PANK3: variants seen among roughly 807,000 people sequenced by gnomAD.
PANK3 encodes hPanK3.
PANK3 carries 20 observed loss-of-function variants against 39.4 expected under a neutral mutation model. The observed-to-expected ratio is 0.51, with a 90% CI of 0.36 to 0.74. The LOEUF is 0.74. PANK3 is among the 30% of genes least tolerant of loss of function. PANK3 has a pLI of 0.00. For synonymous variants in PANK3, 140 were observed against 157.3 expected (o/e 0.89, Z 0.82); for missense variants, 265 against 437.0 (o/e 0.61, Z 3.51).
Position 168,555,324 on chromosome 5 carries a change from A to C in PANK3, c.*2247T>G, listed in dbSNP as rs1759331790. Reference sequence around the variant, plus strand: ...CAGTGGCACAATCTCAGCTCACTGCAGCCTCCTCCTCCTGGGTTCAAGCAA... The same window carrying C: ...CAGTGGCACAATCTCAGCTCACTGCCGCCTCCTCCTCCTGGGTTCAAGCAA... On this transcript the variant is annotated 3_prime_UTR_variant, in exon 7 of 7. Coordinates refer to ENST00000239231, the MANE Select transcript of PANK3 (RefSeq NM_024594.4). The C allele has an allele frequency of 6.6e-6, 1 of 152,314 alleles. No homozygotes were observed. Among genetic ancestry groups the C allele is most frequent in the South Asian group, 2.1e-4 (1 of 4,834 alleles). 9.4% of individuals were successfully genotyped at this position (152,314 alleles called of 1,614,324 possible). A position where few individuals can be genotyped will look rare whatever the true frequency, so the allele number is the denominator to read the frequency against.
Position 168,555,516 on chromosome 5 carries a change from T to G in PANK3, c.*2055A>C, listed in dbSNP as rs1343205426. 2.0e-5 allele frequency: 3 copies of G among 152,286 alleles called. No individual in the cohort carries two copies. 9.4% of individuals were successfully genotyped at this position (152,286 alleles called of 1,614,324 possible). On this transcript the variant is annotated 3_prime_UTR_variant, in exon 7 of 7. Coordinates refer to ENST00000239231, the MANE Select transcript of PANK3 (RefSeq NM_024594.4). ...CCCTGGCCTCTCAAAGTGCTGGGAT[T>G]AGAGGCGTGAGCCACTGCGCCTGGC...
chr5:168,550,210 T>C lies in PANK3; in HGVS notation c.*7361A>G, dbSNP rs1304811944. 2.0e-5 allele frequency: 3 copies of C among 152,188 alleles called. No homozygotes were observed. The highest frequency in any genetic ancestry group is 7.2e-5 in the African/African-American group (3 of 41,442). 9.4% of individuals were successfully genotyped at this position (152,188 alleles called of 1,614,324 possible). Reference sequence around the variant, plus strand: ...AGATATTAAACACTTCATTATAAAATAGGTTTTGTATTAGATGATTTTGCC... The same window carrying C: ...AGATATTAAACACTTCATTATAAAACAGGTTTTGTATTAGATGATTTTGCC... On this transcript the variant is annotated 3_prime_UTR_variant, in exon 7 of 7. Transcript: ENST00000239231.
chr5:168,560,748 T>C (rs970017134), intron 5 of PANK3: 2 of 171,952 alleles, frequency 1.2e-5, no homozygotes, highest in African/African-American at 4.8e-5. Flanking sequence ...GGCAAATATA[T>C]CTATTATTAT....
rs144500176 is a variant in PANK3, at chr5:168,555,051, G to C, written c.*2520C>G. On this transcript the variant is annotated 3_prime_UTR_variant, in exon 7 of 7. Coordinates refer to ENST00000239231, the MANE Select transcript of PANK3 (RefSeq NM_024594.4). ...ATAAGAACACAAAATCATAATGAAG[G>C]CTGCCAAAGATTATAATTTTTTATT... The C allele has an allele frequency of 3.9e-5, 6 of 152,236 alleles. No individual in the cohort carries two copies. Among genetic ancestry groups the C allele is most frequent in the African/African-American group, 9.6e-5 (4 of 41,554 alleles). 9.4% of individuals were successfully genotyped at this position (152,236 alleles called of 1,614,324 possible).
At chr5:168,570,942 T>C (rs1047193271) in intron 1 of PANK3, among the ~76,000 whole-genome samples, 1 of 152,156 alleles carries the variant, frequency 6.6e-6, no homozygotes, top group South Asian at 2.1e-4. Context: ...AAAAATGGTA[T>C]AGACCATTTA....
rs201066642 is a variant in PANK3 at position 168,559,026 on chromosome 5, C to T, written c.1062+6G>A. 6.3e-7 allele frequency: 1 copy of T among 1,598,504 alleles called. No individual in the cohort carries two copies. Among genetic ancestry groups the T allele is most frequent in the East Asian group, 2.2e-5 (1 of 44,512 alleles). On this transcript the variant is annotated splice_donor_region_variant and intron_variant, in intron 6 of 6. Transcript: ENST00000239231. ...AAAATTCACAAAAAACATTTTCCTA[C>T]CATACCTCATGTTCTAGAAACAATG...
At chr5:168,561,296 G>A in intron 5 of PANK3, 97 bp downstream of exon 5, 2 of 1,089,404 alleles carry the variant, frequency 1.8e-6, no homozygotes, top group East Asian at 2.5e-5. Context: ...CAATCCCAGA[G>A]GCCTCCTTAG....
chr5:168,552,560 G>A lies in PANK3; in HGVS notation c.*5011C>T, dbSNP rs924066085. ...CAACCAGCCACTGCTATTGCAAACTGAAGAGTGTGGCCACAGTATTCCAGG... is the reference window on the plus strand; with the variant it reads ...CAACCAGCCACTGCTATTGCAAACTAAAGAGTGTGGCCACAGTATTCCAGG... On this transcript the variant is annotated 3_prime_UTR_variant, in exon 7 of 7. Transcript: ENST00000239231. The A allele has an allele frequency of 3.0e-5, 6 of 201,998 alleles. No individual in the cohort carries two copies. Among genetic ancestry groups the A allele is most frequent in the African/African-American group, 1.2e-4 (5 of 42,756 alleles). The allele number at this position is 201,998 out of a possible 1,614,324, so 12.5% of individuals were successfully genotyped here.
chr5:168,551,213 T>A lies in PANK3; in HGVS notation c.*6358A>T, dbSNP rs1759268422. 1 of 152,172 alleles carries A rather than the reference T, an allele frequency of 6.6e-6. No homozygotes were observed. The highest frequency in any genetic ancestry group is 1.5e-5 in the Non-Finnish European group (1 of 68,008). 9.4% of individuals were successfully genotyped at this position (152,172 alleles called of 1,614,324 possible). On this transcript the variant is annotated 3_prime_UTR_variant, in exon 7 of 7. Coordinates refer to ENST00000239231, the MANE Select transcript of PANK3 (RefSeq NM_024594.4). ...GATAAAACACACTATTTTCTGAGAT[T>A]ATCTGATGATAGAAACAAAGTTGGC...
rs752381702 is a variant in PANK3 at position 168,569,026 on chromosome 5, A to T, written c.29-28T>A. On this transcript the variant is annotated intron_variant, in intron 1 of 6. Coordinates refer to ENST00000239231, the MANE Select transcript of PANK3 (RefSeq NM_024594.4). ...ATGGGAGGAAAAAAAAAAAAAAAAA[A>T]AAAAATATATATATATATATATATC... 2,077 of 305,264 alleles carry T rather than the reference A, an allele frequency of 6.8e-3. 37 individuals carry two copies. Among genetic ancestry groups the T allele is most frequent in the African/African-American group, 0.065 (1,669 of 25,592 alleles). 18.9% of individuals were successfully genotyped at this position (305,264 alleles called of 1,614,324 possible).
chr5:168,553,229 C>G lies in PANK3; in HGVS notation c.*4342G>C. 2.0e-6 allele frequency: 1 copy of G among 505,740 alleles called. No homozygotes were observed. Among genetic ancestry groups the G allele is most frequent in the South Asian group, 1.5e-5 (1 of 67,952 alleles). The allele number at this position is 505,740 out of a possible 1,614,324, so 31.3% of individuals were successfully genotyped here. ...CCAAAGATCTGGATCTCCAGAATAC[C>G]AACGACGTCCAGCTGGTTGAGAGCA... is the stretch of plus-strand genomic sequence containing the variant. On this transcript the variant is annotated 3_prime_UTR_variant, in exon 7 of 7. Coordinates refer to ENST00000239231, the MANE Select transcript of PANK3 (RefSeq NM_024594.4).
intron 1 of PANK3, among the ~76,000 whole-genome samples, chr5:168,577,483 G>A (rs1759748075): frequency 6.6e-6 from 1 of 152,082 alleles, no homozygotes; most frequent in Admixed American, 6.5e-5. Context: ...ACAGGCGTGT[G>A]CCACCATGCC....
At chr5:168,571,697 A>G (rs1759633422) in intron 1 of PANK3, among the ~76,000 whole-genome samples, 1 of 152,232 alleles carries the variant, frequency 6.6e-6, no homozygotes, top group Non-Finnish European at 1.5e-5. Context: ...CCAGGAACAT[A>G]TAATTCAATG....
At chr5:168,559,587 A>G (rs1161683977) in intron 5 of PANK3, among the ~76,000 whole-genome samples, 1 of 152,188 alleles carries the variant, frequency 6.6e-6, no homozygotes. Flanking sequence ...ACTTTTAAAA[A>G]AAGGTTCCAG....
intron 5 of PANK3, chr5:168,561,044 G>A (rs1759438959): frequency 1.1e-5 from 4 of 354,152 alleles, no homozygotes; most frequent in South Asian, 2.3e-5. Context: ...GAGCATAGCT[G>A]CCTTCCAAAT....
chr5:168,560,543 G>A (rs1389884048), intron 5 of PANK3, among the ~76,000 whole-genome samples: 3 of 152,240 alleles, frequency 2.0e-5, no homozygotes, highest in Non-Finnish European at 4.4e-5. Flanking sequence ...TCACTAGAAT[G>A]AATGCAAGCT....
chr5:168,553,026 T>C lies in PANK3; in HGVS notation c.*4545A>G. On this transcript the variant is annotated 3_prime_UTR_variant, in exon 7 of 7. Coordinates refer to ENST00000239231, the MANE Select transcript of PANK3 (RefSeq NM_024594.4). Reference sequence around the variant, plus strand: ...TATCTCCTAGATGTCCTGGGACACATCCTGAGTCCCCTACAATTGCTGAAG... The same window carrying C: ...TATCTCCTAGATGTCCTGGGACACACCCTGAGTCCCCTACAATTGCTGAAG... 3.1e-6 allele frequency: 1 copy of C among 320,850 alleles called. No homozygotes were observed. Among genetic ancestry groups the C allele is most frequent in the Non-Finnish European group, 6.2e-6 (1 of 161,478 alleles). The allele number at this position is 320,850 out of a possible 1,614,324, so 19.9% of individuals were successfully genotyped here.
Position 168,558,153 on chromosome 5 carries a change from CTT to C in PANK3, c.1063-534_1063-533del, listed in dbSNP as rs767440372. On this transcript the variant is annotated intron_variant, in intron 6 of 6. Coordinates refer to ENST00000239231, the MANE Select transcript of PANK3 (RefSeq NM_024594.4). ...GAGCAGTGACAATGAGACATGGAAG[CTT>C]TTTTTTTTTTTTTTTTTTAGACAGT... Among the ~76,000 whole-genome samples the C allele has an allele frequency of 4.0e-3, 464 of 115,216 alleles. 1 individual carries two copies. The highest frequency in any genetic ancestry group is 0.014 in the African/African-American group (386 of 28,178). 75.6% of individuals were successfully genotyped at this position (115,216 alleles called of 152,430 possible).
At chr5:168,578,489 A>G (rs1759769055) in intron 1 of PANK3, 1 of 152,246 alleles carries the variant, frequency 6.6e-6, no homozygotes, top group African/African-American at 2.4e-5. Flanking sequence ...GACAATCACA[A>G]TGGCTGGGTG....
Sources: allele counts gnomAD v4.1 joint callset (sites outside exome capture counted in the v4.1 genomes callset), GRCh38; gene constraint gnomAD v4.1.1; transcripts MANE v1.5; gene names NCBI Gene and HGNC (gene_info 2026-07-23, HGNC 2026-07-21).